The following RAB38 variants were observed in gnomAD, a reference collection of about 807,000 sequenced individuals.
The protein encoded by RAB38 is RAB38, member RAS oncogene family, also known as ras-related protein Rab-38.
A neutral mutation model predicts 18.4 loss-of-function variants in RAB38; 15 were observed. That is an observed-to-expected ratio of 0.82 (90% CI 0.55 to 1.26). The LOEUF is 1.26. RAB38 is among the 50% of genes most tolerant of loss of function. RAB38 has a pLI of 0.00. For synonymous variants in RAB38, 101 were observed against 104.4 expected, an observed-to-expected ratio of 0.97 and a Z score of 0.20; for missense variants, 294 against 267.4, an observed-to-expected ratio of 1.10 and a Z score of -0.69.
At chr11:88,067,684 C>A in the RAB38 span, among the ~76,000 whole-genome samples, 1 of 151,916 alleles carries the variant, frequency 6.6e-6, no homozygotes, top group Admixed American at 6.6e-5. Flanking sequence ...CTTCAAATGG[C>A]AATACTTCCC....
chr11:87,929,559 T>G, the RAB38 span, among the ~76,000 whole-genome samples: 3 of 141,866 alleles, frequency 2.1e-5, no homozygotes, highest in African/African-American at 7.4e-5. Flanking sequence ...GATTCTTTTT[T>G]TTGGTTTTTT....
the RAB38 span, among the ~76,000 whole-genome samples, chr11:88,074,427 A>G: frequency 6.6e-6 from 1 of 152,172 alleles, no homozygotes; most frequent in Non-Finnish European, 1.5e-5. Flanking sequence ...TTTTAAAATT[A>G]TTTCTTTGTT....
the RAB38 span, among the ~76,000 whole-genome samples, chr11:87,919,647 C>T: frequency 6.6e-6 from 1 of 151,808 alleles, no homozygotes; most frequent in African/African-American, 2.4e-5. Flanking sequence ...CTTTCCTCTT[C>T]TGTTTTTCAG....
At chr11:87,937,311 CATATATAT>C in the RAB38 span, among the ~76,000 whole-genome samples, 325 of 82,676 alleles carry the variant, frequency 3.9e-3, 3 homozygotes, top group African/African-American at 5.9e-3. Context: ...ACTTGGTCAT[CATATATAT>C]ATATATATAT....
the RAB38 span, among the ~76,000 whole-genome samples, chr11:88,081,039 T>G: frequency 6.6e-6 from 1 of 151,806 alleles, no homozygotes. Flanking sequence ...AAATACTCAT[T>G]TAAAGATTCT....
chr11:88,174,085 C>G, intron 1 of RAB38: 1 of 985,330 alleles, frequency 1.0e-6, no homozygotes. Context: ...AAGTTGTTCC[C>G]ATGGAGAATC....
At chr11:88,173,980 A>T in intron 1 of RAB38, 1 of 985,482 alleles carries the variant, frequency 1.0e-6, no homozygotes, top group Non-Finnish European at 1.2e-6. Flanking sequence ...ATCAGCTAAA[A>T]TGAATCCATT....
intron 2 of RAB38, among the ~76,000 whole-genome samples, chr11:88,137,965 G>A (rs756021493): frequency 2.8e-4 from 43 of 152,214 alleles, no homozygotes; most frequent in Admixed American, 2.4e-3. Context: ...TTAAAATTGT[G>A]TGAGGGTTAG....
intron 2 of RAB38, 23 bp from the exon 3 acceptor site, chr11:88,114,163 G>GC (rs771924703): frequency 6.2e-7 from 1 of 1,612,002 alleles, no homozygotes. Flanking sequence ...AAATAAAACA[G>GC]CTTTTCTTAT....
At chr11:88,011,364 T>G in the RAB38 span, among the ~76,000 whole-genome samples, 3 of 152,216 alleles carry the variant, frequency 2.0e-5, no homozygotes, top group East Asian at 5.8e-4. Flanking sequence ...AACTTAATCT[T>G]TTAACTAGGC....
At chr11:87,970,044 A>C in the RAB38 span, among the ~76,000 whole-genome samples, 10 of 152,222 alleles carry the variant, frequency 6.6e-5, no homozygotes, top group South Asian at 1.9e-3. Flanking sequence ...CGGCAGAATC[A>C]AGAGATTCAA....
At chr11:88,171,082 T>C (rs1387416510) in intron 1 of RAB38, among the ~76,000 whole-genome samples, 3 of 152,164 alleles carry the variant, frequency 2.0e-5, no homozygotes, top group Non-Finnish European at 1.5e-5. Flanking sequence ...AGTGGGAAAA[T>C]GTATGTGAAA....
At chr11:88,051,479 T>TC in the RAB38 span, among the ~76,000 whole-genome samples, 2 of 151,396 alleles carry the variant, frequency 1.3e-5, no homozygotes, top group African/African-American at 4.9e-5. Context: ...TCAACTGACA[T>TC]TGGAACAATA....
chr11:87,957,321 G>A, the RAB38 span, among the ~76,000 whole-genome samples: 2 of 151,960 alleles, frequency 1.3e-5, no homozygotes, highest in Non-Finnish European at 2.9e-5. Flanking sequence ...CCCCATAGGG[G>A]CAATAAGGTA....
At chr11:88,100,211 GAA>G in the RAB38 span, 7 of 151,820 alleles carry the variant, frequency 4.6e-5, no homozygotes, top group Non-Finnish European at 1.0e-4. Context: ...CTAAAAAGTT[GAA>G]AAGTCACCCC....
At chr11:87,977,848 TGG>T in the RAB38 span, among the ~76,000 whole-genome samples, 96 of 112,430 alleles carry the variant, frequency 8.5e-4, 1 homozygote, top group Admixed American at 3.6e-3. Flanking sequence ...TGTATATTAA[TGG>T]ATAGTAATAT....
the RAB38 span, among the ~76,000 whole-genome samples, chr11:88,055,176 C>G: frequency 1.3e-5 from 2 of 152,142 alleles, no homozygotes; most frequent in African/African-American, 4.8e-5. Flanking sequence ...GTTCAAGGCT[C>G]TAGTGCACTA....
the RAB38 span, among the ~76,000 whole-genome samples, chr11:87,804,452 C>T: frequency 1.3e-5 from 2 of 152,204 alleles, no homozygotes; most frequent in Non-Finnish European, 2.9e-5. Flanking sequence ...AGCCCACATT[C>T]TGCCTCTTCA....
At chr11:88,154,402 G>A (rs1943100625) in intron 1 of RAB38, among the ~76,000 whole-genome samples, 1 of 152,188 alleles carries the variant, frequency 6.6e-6, no homozygotes, top group Non-Finnish European at 1.5e-5. Context: ...ACAACCTTGG[G>A]ACAGGAGGAG....
Sources: allele counts gnomAD v4.1 joint callset (sites outside exome capture counted in the v4.1 genomes callset), GRCh38; gene constraint gnomAD v4.1.1; transcripts MANE v1.5; gene names NCBI Gene and HGNC (gene_info 2026-07-23, HGNC 2026-07-21).